PCDHA8: variants seen among roughly 807,000 people sequenced by gnomAD.
The protein encoded by PCDHA8 is protocadherin alpha 8, also known as protocadherin alpha-8.
A neutral mutation model predicts 61.8 loss-of-function variants in PCDHA8; 53 were observed. The ratio of observed to expected loss-of-function variants is 0.86; its 90% CI spans 0.69 to 1.08. The LOEUF (loss-of-function observed/expected upper bound fraction) is 1.08. Among genes scored for constraint, PCDHA8 ranks in the 50% least tolerant of loss-of-function variants. The pLI, the probability that PCDHA8 is intolerant of heterozygous loss-of-function variation, is 0.00. For missense variants in PCDHA8, 1,293 were observed against 1,245.0 expected (o/e 1.04, Z -0.58); for synonymous variants, 618 against 556.6 (o/e 1.11, Z -1.55).
At chr5:140,963,237 G>A (rs782735845) in intron 1 of PCDHA8, among the ~76,000 whole-genome samples, 50 of 152,136 alleles carry the variant, frequency 3.3e-4, no homozygotes, top group Non-Finnish European at 6.2e-4. Flanking sequence ...CTGTTTGATG[G>A]ATTAGGTAGG....
At chr5:140,991,782 C>A (rs1257930918) in intron 3 of PCDHA8, among the ~76,000 whole-genome samples, 1 of 152,158 alleles carries the variant, frequency 6.6e-6, no homozygotes, top group Non-Finnish European at 1.5e-5. Flanking sequence ...AGACTCTGCC[C>A]ATTTCCCAAT....
intron 1 of PCDHA8, among the ~76,000 whole-genome samples, chr5:140,952,596 GTT>G (rs1246642070): frequency 6.6e-6 from 1 of 152,136 alleles, no homozygotes; most frequent in Non-Finnish European, 1.5e-5. Flanking sequence ...TCTCTAGGAA[GTT>G]CTAAGCTCTC....
intron 2 of PCDHA8, among the ~76,000 whole-genome samples, chr5:140,980,889 T>C (rs1554242442): frequency 2.6e-5 from 4 of 152,202 alleles, no homozygotes; most frequent in Non-Finnish European, 4.4e-5. Flanking sequence ...GTCTTTCCAG[T>C]CTTGGACATC....
At chr5:140,898,211 A>G (rs1554187859) in intron 1 of PCDHA8, among the ~76,000 whole-genome samples, 2 of 152,100 alleles carry the variant, frequency 1.3e-5, no homozygotes, top group African/African-American at 4.8e-5. Context: ...CCATTTGTCA[A>G]TTTTGGCTTT....
rs536794003 is a variant in PCDHA8, at chr5:140,982,215, G to A, written c.2454-260G>A. Reference sequence around the variant, plus strand: ...CTGTTAGATTTAGTGAGCGCCACATGGCGTTAATAAAAAACAGAATTGCCA... The same window carrying A: ...CTGTTAGATTTAGTGAGCGCCACATAGCGTTAATAAAAAACAGAATTGCCA... On this transcript the variant is annotated intron_variant, in intron 2 of 3. Coordinates refer to ENST00000531613, the MANE Select transcript of PCDHA8 (RefSeq NM_018911.3). The A allele has an allele frequency of 2.0e-5, 10 of 491,624 alleles. No individual in the cohort carries two copies. In the South Asian group the frequency reaches 3.6e-4, roughly 18 times the overall value. The allele number at this position is 491,624 out of a possible 1,614,324, so 30.5% of individuals were successfully genotyped here. A position where few individuals can be genotyped will look rare whatever the true frequency, so the allele number is the denominator to read the frequency against.
rs1246524333 is a variant in PCDHA8, at chr5:140,842,164, T to A, written c.843T>A (p.Phe281Leu). Residue 281 changes from phenylalanine to leucine, a missense_variant, in exon 1 of 4, where the codon TTT becomes TTA. Phe to Leu is a conservative substitution (Grantham distance 22). Transcript: ENST00000531613. ...EGANGAISYS[F>L]NSLVETMVID... ...CCAATGGGGCAATTTCATATTCTTT[T>A]AATAGCCTTGTTGAAACTATGGTTA... 21 of 1,613,778 alleles carry A rather than the reference T, an allele frequency of 1.3e-5. No individual in the cohort carries two copies. Among genetic ancestry groups the A allele is most frequent in the Non-Finnish European group, 1.6e-5 (19 of 1,179,860 alleles).
rs73793550 is a variant in PCDHA8 at position 140,989,564 on chromosome 5, C to T, written c.2542+7001C>T. On this transcript the variant is annotated intron_variant, in intron 3 of 3. Transcript: ENST00000531613. ...GTAATTCCTTTACGTTTTGTGGCTC[C>T]GGCAAGCCCTGTCCTCAGCCTCACT... is the stretch of plus-strand genomic sequence containing the variant. Among the ~76,000 whole-genome samples the T allele has an allele frequency of 6.0e-3, 907 of 152,216 alleles. 13 individuals carry two copies. Among genetic ancestry groups the T allele is most frequent in the African/African-American group, 0.021 (852 of 41,530 alleles).
At chr5:140,973,870 T>A (rs2153801427) in intron 1 of PCDHA8, among the ~76,000 whole-genome samples, 1 of 152,264 alleles carries the variant, frequency 6.6e-6, no homozygotes. Flanking sequence ...CAATGAGAGG[T>A]CAGAATAATG....
intron 1 of PCDHA8, among the ~76,000 whole-genome samples, chr5:140,879,542 GA>G (rs1281717017): frequency 6.6e-6 from 1 of 152,104 alleles, no homozygotes; most frequent in African/African-American, 2.4e-5. Context: ...CTCCTTTAGA[GA>G]AAAAAATAAT....
chr5:140,943,581 G>A (rs1022140100), intron 1 of PCDHA8, among the ~76,000 whole-genome samples: 1 of 152,168 alleles, frequency 6.6e-6, no homozygotes, highest in Non-Finnish European at 1.5e-5. Flanking sequence ...GTTGATCTGA[G>A]TGGGGCTGAA....
At chr5:140,858,308 C>T in intron 1 of PCDHA8, 1 of 1,597,268 alleles carries the variant, frequency 6.3e-7, no homozygotes, top group Non-Finnish European at 8.6e-7. Context: ...GCAGAGGCGG[C>T]AGAGGGTGTG....
At chr5:140,934,664 T>C (rs1268113575) in intron 1 of PCDHA8, among the ~76,000 whole-genome samples, 4 of 152,176 alleles carry the variant, frequency 2.6e-5, no homozygotes, top group Non-Finnish European at 5.9e-5. Flanking sequence ...TCTTCCCCTT[T>C]GTTTAGCAGT....
At chr5:140,874,530 G>T (rs1332198120) in intron 1 of PCDHA8, among the ~76,000 whole-genome samples, 2 of 152,200 alleles carry the variant, frequency 1.3e-5, no homozygotes, top group Admixed American at 6.5e-5. Flanking sequence ...ATGAGATTAG[G>T]CTCCAAAACC....
At chr5:140,950,343 A>C (rs1169343189) in intron 1 of PCDHA8, among the ~76,000 whole-genome samples, 9 of 151,988 alleles carry the variant, frequency 5.9e-5, no homozygotes, top group African/African-American at 2.2e-4. Context: ...GATTTATCTT[A>C]GTTTTCCTTT....
At chr5:140,920,084 T>C (rs2079442648) in intron 1 of PCDHA8, among the ~76,000 whole-genome samples, 1 of 152,196 alleles carries the variant, frequency 6.6e-6, no homozygotes, top group Non-Finnish European at 1.5e-5. Context: ...AGATTCTCCG[T>C]AGAGCCTCTA....
chr5:140,857,126 G>A, intron 1 of PCDHA8: 2 of 1,598,256 alleles, frequency 1.3e-6, no homozygotes, highest in Non-Finnish European at 1.7e-6. Flanking sequence ...CCCAGTGAAA[G>A]AAGATGCTCA....
intron 3 of PCDHA8, among the ~76,000 whole-genome samples, chr5:140,997,872 C>G (rs1053678533): frequency 6.6e-6 from 1 of 152,094 alleles, no homozygotes; most frequent in African/African-American, 2.4e-5. Context: ...TGCATGCTTG[C>G]TAGTATTTAT....
chr5:141,000,361 G>C (rs1253295818), intron 3 of PCDHA8, among the ~76,000 whole-genome samples: 2 of 26,450 alleles, frequency 7.6e-5, no homozygotes, highest in Non-Finnish European at 1.2e-4. Context: ...GTCTCTCTCT[G>C]TCTCTCTCTC....
chr5:140,851,353 G>A, intron 1 of PCDHA8: 1 of 976,274 alleles, frequency 1.0e-6, no homozygotes, highest in Non-Finnish European at 1.2e-6. Context: ...TCTGGATGGA[G>A]ACTGTGAACA....
Sources: gnomAD v4.1 joint callset for allele counts (sites outside exome capture counted in the v4.1 genomes callset) on GRCh38, gnomAD v4.1.1 for gene constraint, MANE v1.5 for transcripts, NCBI Gene and HGNC (gene_info 2026-07-23, HGNC 2026-07-21) for gene names.